Variants in TMEM41B observed in about 807,000 individuals in gnomAD.
The protein encoded by TMEM41B is protein stasimon.
A neutral mutation model predicts 31.9 loss-of-function variants in TMEM41B; 18 were observed. That is an observed-to-expected ratio of 0.56 (90% confidence interval 0.39 to 0.84). TMEM41B has a LOEUF of 0.84. Among genes scored for constraint, TMEM41B ranks in the 40% least tolerant of loss-of-function variants. The pLI, the probability that TMEM41B is intolerant of heterozygous loss-of-function variation, is 0.00. For missense variants in TMEM41B, 322 were observed against 348.0 expected, an observed-to-expected ratio of 0.93 and a Z score of 0.59; for synonymous variants, 144 against 124.3, an observed-to-expected ratio of 1.16 and a Z score of -1.05.
chr11:9,299,735 T>C (rs1853200356), intron 1 of TMEM41B, 34 bp from the exon 2 acceptor site: 1 of 1,420,050 alleles, frequency 7.0e-7, no homozygotes. Flanking sequence ...TTAAGATAAA[T>C]ATAAAGGAAG....
At chr11:9,286,006 T>A (rs1187106627) in intron 6 of TMEM41B, among the ~76,000 whole-genome samples, 2 of 152,042 alleles carry the variant, frequency 1.3e-5, no homozygotes, top group African/African-American at 4.8e-5. Flanking sequence ...TACCAGCTCC[T>A]TGGGAGGCTG....
rs753650297 is a variant in TMEM41B at position 9,286,470 on chromosome 11, T to A, written c.691A>T (p.Ile231Phe). The A allele has an allele frequency of 6.2e-7, 1 of 1,610,670 alleles. No individual in the cohort carries two copies. The highest frequency in any genetic ancestry group is 1.7e-5 in the Admixed American group (1 of 59,224). Residue 231 changes from isoleucine to phenylalanine, a missense_variant, in exon 6 of 7, where the codon ATT (isoleucine) becomes TTT (phenylalanine). Ile to Phe is a conservative substitution (Grantham distance 21, BLOSUM62 0). Coordinates refer to ENST00000528080, the MANE Select transcript of TMEM41B (RefSeq NM_015012.4). ...VINVPLKVFFIGTFLGVAPPS... is the reference protein window; with the variant it reads ...VINVPLKVFFFGTFLGVAPPS... Reference sequence around the variant, plus strand: ...GAGGGCTTACCTAGAAAAGTACCAATAAAAAAAACTTTCAATGGCACGTTT... The same window carrying A: ...GAGGGCTTACCTAGAAAAGTACCAAAAAAAAAAACTTTCAATGGCACGTTT...
intron 1 of TMEM41B, among the ~76,000 whole-genome samples, chr11:9,299,920 G>A (rs2133633494): frequency 6.6e-6 from 1 of 152,168 alleles, no homozygotes; most frequent in East Asian, 1.9e-4. Context: ...GGGAGTTCGA[G>A]ACCAACCTCA....
At chr11:9,305,022 C>T (rs990351769) in intron 1 of TMEM41B, among the ~76,000 whole-genome samples, 3 of 151,626 alleles carry the variant, frequency 2.0e-5, no homozygotes, top group African/African-American at 7.3e-5. Flanking sequence ...GAACTCCTGG[C>T]TTCAAGCAGT....
At chr11:9,288,377 T>TATC (rs1852882133) in intron 4 of TMEM41B, 65 bp downstream of exon 4, 2 of 1,145,280 alleles carry the variant, frequency 1.7e-6, no homozygotes, top group Non-Finnish European at 2.5e-6. Flanking sequence ...AGGGTTAAAG[T>TATC]ATCATCATCA....
At chr11:9,294,618 C>G (rs1853041393) in intron 3 of TMEM41B, among the ~76,000 whole-genome samples, 1 of 151,804 alleles carries the variant, frequency 6.6e-6, no homozygotes, top group Non-Finnish European at 1.5e-5. Context: ...ATTAACAAAT[C>G]AGAAATGAAA....
At chr11:9,309,394 G>A (rs760714479) in intron 1 of TMEM41B, among the ~76,000 whole-genome samples, 4 of 151,682 alleles carry the variant, frequency 2.6e-5, no homozygotes, top group Admixed American at 6.6e-5. Context: ...GTTTTCTGTC[G>A]TAGACCAAAA....
intron 4 of TMEM41B, 44 bp from the exon 5 acceptor site, chr11:9,287,850 T>A (rs1852870661): frequency 2.1e-6 from 3 of 1,426,594 alleles, no homozygotes; most frequent in East Asian, 2.3e-5. Context: ...TTTTTCCGTC[T>A]TACTCACATT....
chr11:9,313,205 TCA>T (rs1398906016), intron 1 of TMEM41B, among the ~76,000 whole-genome samples: 1 of 152,252 alleles, frequency 6.6e-6, no homozygotes. Flanking sequence ...GATTCATTTC[TCA>T]GTTTTTGAAA....
intron 3 of TMEM41B, among the ~76,000 whole-genome samples, chr11:9,294,108 G>A (rs1335864560): frequency 2.8e-5 from 4 of 142,526 alleles, no homozygotes; most frequent in Non-Finnish European, 6.1e-5. Flanking sequence ...TTGAGCCCAG[G>A]AGGCTGAGGC....
Position 9,314,346 on chromosome 11 carries a change from C to T in TMEM41B, c.96G>A (p.Ala32=), listed in dbSNP as rs1175725013. ...DGAAGTRGLA[A]PGSRDHQKEK... ...CCTTCTGGTGGTCTCTGCTGCCAGG[C>T]GCCGCGAGACCCCGCGTCCCCGCTG... is the stretch of plus-strand genomic sequence containing the variant. Residue 32 remains alanine, a synonymous_variant, in exon 1 of 7, where the codon GCG becomes GCA. Coordinates refer to ENST00000528080, the MANE Select transcript of TMEM41B (RefSeq NM_015012.4). The T allele has an allele frequency of 1.4e-5, 23 of 1,595,250 alleles. No homozygotes were observed. Among genetic ancestry groups the T allele is most frequent in the Non-Finnish European group, 1.9e-5 (22 of 1,173,326 alleles).
chr11:9,305,760 A>G (rs1853374906), intron 1 of TMEM41B, among the ~76,000 whole-genome samples: 1 of 152,188 alleles, frequency 6.6e-6, no homozygotes, highest in Non-Finnish European at 1.5e-5. Context: ...GGTCCAGAGT[A>G]TAAGAAAAAC....
At chr11:9,303,826 AT>A (rs1853316344) in intron 1 of TMEM41B, among the ~76,000 whole-genome samples, 1 of 151,400 alleles carries the variant, frequency 6.6e-6, no homozygotes, top group Admixed American at 6.6e-5. Context: ...CGCCACGAGG[AT>A]CAACTAATTT....
rs775544794 is a variant in TMEM41B, at chr11:9,314,344, G to A, written c.98C>T (p.Pro33Leu). ...ACCCTTCTGGTGGTCTCTGCTGCCA[G>A]GCGCCGCGAGACCCCGCGTCCCCGC... Reference protein sequence around the residue: ...GAAGTRGLAAPGSRDHQKEKS... With the variant: ...GAAGTRGLAALGSRDHQKEKS... The change falls in exon 1 of 7, where the codon CCT (proline) becomes CTT (leucine). Residue 33 changes from proline to leucine, a missense_variant. By Grantham distance (98) the Pro-to-Leu change is moderately conservative. This residue lies in a region of TMEM41B where 183 missense variants were observed against 175.3 expected (regional missense o/e 1.04). Coordinates refer to ENST00000528080, the MANE Select transcript of TMEM41B (RefSeq NM_015012.4). 6 of 1,595,472 alleles carry A rather than the reference G, an allele frequency of 3.8e-6. No homozygotes were observed. The highest frequency in any genetic ancestry group is 5.1e-6 in the Non-Finnish European group (6 of 1,173,598).
chr11:9,308,682 T>C (rs766311587), intron 1 of TMEM41B, among the ~76,000 whole-genome samples: 1 of 152,214 alleles, frequency 6.6e-6, no homozygotes, highest in Non-Finnish European at 1.5e-5. Context: ...TTGGGAAAAC[T>C]GATTTAGCTC....
chr11:9,287,960 T>C, intron 4 of TMEM41B, 154 bp from the exon 5 acceptor site: 1 of 635,934 alleles, frequency 1.6e-6, no homozygotes, highest in Non-Finnish European at 2.7e-6. Flanking sequence ...ATCTAGTACT[T>C]TCTCAGACCA....
At chr11:9,310,857 G>T (rs1853543448) in intron 1 of TMEM41B, among the ~76,000 whole-genome samples, 1 of 151,954 alleles carries the variant, frequency 6.6e-6, no homozygotes, top group South Asian at 2.1e-4. Flanking sequence ...AAGGCCTGCT[G>T]GGGAATGTAT....
At chr11:9,294,688 ATTT>A (rs1325626881) in intron 3 of TMEM41B, among the ~76,000 whole-genome samples, 1 of 152,096 alleles carries the variant, frequency 6.6e-6, no homozygotes, top group Non-Finnish European at 1.5e-5. Context: ...AAATAAAGCT[ATTT>A]TCCTGACTAG....
Position 9,295,296 on chromosome 11 carries a change from C to T in TMEM41B, c.331G>A (p.Val111Ile). The change falls in exon 3 of 7, where the codon GTT becomes ATT. Residue 111 changes from valine to isoleucine, a missense_variant. Val to Ile is a conservative substitution (Grantham distance 29). Coordinates refer to ENST00000528080, the MANE Select transcript of TMEM41B (RefSeq NM_015012.4). Reference sequence around the variant, plus strand: ...GCAAAATAAGCTACAAGTACTTGAACATAAAAGGTGTCCTTGTATTTGGAT... The same window carrying T: ...GCAAAATAAGCTACAAGTACTTGAATATAAAAGGTGTCCTTGTATTTGGAT... ...VLSKYKDTFYVQVLVAYFATY... is the reference protein window; with the variant it reads ...VLSKYKDTFYIQVLVAYFATY... 6.3e-7 allele frequency: 1 copy of T among 1,585,678 alleles called. No homozygotes were observed. Among genetic ancestry groups the T allele is most frequent in the South Asian group, 1.1e-5 (1 of 88,386 alleles).
Sources: allele counts gnomAD v4.1 joint callset (sites outside exome capture counted in the v4.1 genomes callset), GRCh38; gene constraint gnomAD v4.1.1; regional missense constraint gnomAD v4.1.1; transcripts MANE v1.5; gene names NCBI Gene and HGNC (gene_info 2026-07-23, HGNC 2026-07-21).